Variants in DOCK3 observed in about 807,000 individuals in gnomAD.
DOCK3 encodes dedicator of cytokinesis protein 3.
DOCK3 carries 60 observed loss-of-function variants against 265.6 expected under a neutral mutation model. The ratio of observed to expected loss-of-function variants is 0.23; its 90% CI spans 0.18 to 0.28. The LOEUF (loss-of-function observed/expected upper bound fraction) is 0.28. Ranked by LOEUF, DOCK3 falls within the 10% of genes least tolerant of loss-of-function variation. The pLI, the probability that DOCK3 is intolerant of heterozygous loss-of-function variation, is 1.00. For missense variants in DOCK3, 1,981 were observed against 2,594.3 expected (o/e 0.76, Z 5.14); for synonymous variants, 881 against 938.0 (o/e 0.94, Z 1.11).
At chr3:51,070,186 G>A (rs904656395) in intron 6 of DOCK3, among the ~76,000 whole-genome samples, 3 of 152,122 alleles carry the variant, frequency 2.0e-5, no homozygotes, top group Non-Finnish European at 2.9e-5. Context: ...GTAATAAAGT[G>A]GATTTGTTTT....
intron 2 of DOCK3, among the ~76,000 whole-genome samples, chr3:50,796,911 CTT>C (rs1436821344): frequency 2.6e-5 from 4 of 151,102 alleles, no homozygotes; most frequent in Non-Finnish European, 5.9e-5. Context: ...CTCTGGGTGA[CTT>C]TTGTTGTATC....
At chr3:50,716,345 G>A (rs2037108326) in intron 1 of DOCK3, among the ~76,000 whole-genome samples, 1 of 151,970 alleles carries the variant, frequency 6.6e-6, no homozygotes, top group Non-Finnish European at 1.5e-5. Context: ...GGCTAACATG[G>A]TGAAACCCCA....
chr3:50,989,399 C>G (rs2108608904), intron 5 of DOCK3, among the ~76,000 whole-genome samples: 1 of 152,190 alleles, frequency 6.6e-6, no homozygotes, highest in Non-Finnish European at 1.5e-5. Context: ...GGAGAGGAAC[C>G]CATATTTTTA....
chr3:50,995,390 G>A (rs1197819415), intron 5 of DOCK3, among the ~76,000 whole-genome samples: 1 of 152,186 alleles, frequency 6.6e-6, no homozygotes, highest in Non-Finnish European at 1.5e-5. Context: ...TTAGCAGTAA[G>A]GCTCTGAGAT....
intron 5 of DOCK3, among the ~76,000 whole-genome samples, chr3:50,951,894 T>G (rs2076602458): frequency 6.6e-6 from 1 of 152,228 alleles, no homozygotes; most frequent in Middle Eastern, 3.2e-3. Flanking sequence ...GTGGCAGTTA[T>G]ATCACAACAT....
At chr3:50,813,814 A>T (rs1274531426) in intron 2 of DOCK3, among the ~76,000 whole-genome samples, 2 of 152,226 alleles carry the variant, frequency 1.3e-5, no homozygotes, top group Non-Finnish European at 2.9e-5. Flanking sequence ...ATGTAATAAC[A>T]TCAATCAAAA....
In DOCK3 at chr3:51,357,030, G is replaced by T; in HGVS notation, c.4572G>T (p.Leu1524=). ...VENKNQELRS[L]ISQYQHKQVH... is the part of the protein sequence containing the mutation. ...ATAAGAACCAGGAGCTACGCTCCCT[G>T]ATCAGCCAGTATCAACACAAGCAGG... Residue 1524 remains leucine, a synonymous_variant, in exon 44 of 53, where the codon CTG becomes CTT. Coordinates refer to ENST00000266037, the MANE Select transcript of DOCK3 (RefSeq NM_004947.5). 1 of 1,613,436 alleles carries T rather than the reference G, an allele frequency of 6.2e-7. No homozygotes were observed. The highest frequency in any genetic ancestry group is 8.5e-7 in the Non-Finnish European group (1 of 1,179,868).
Position 51,314,996 on chromosome 3 carries a change from C to T in DOCK3, c.3270C>T (p.His1090=). 1 of 1,608,572 alleles carries T rather than the reference C, an allele frequency of 6.2e-7. No individual in the cohort carries two copies. Among genetic ancestry groups the T allele is most frequent in the South Asian group, 1.1e-5 (1 of 90,382 alleles). ...MWQNLGEHKI[H]FIPGMIGPFL... is the part of the protein sequence containing the mutation. ...GTTTTTCAGGTGAACATAAGATCCA[C>T]TTTATTCCGGGAATGATTGGTCCTT... Residue 1090 remains histidine (H), a synonymous_variant, in exon 32 of 53, where the codon CAC becomes CAT. Transcript: ENST00000266037.
At chr3:50,723,039 C>T (rs2037573662) in intron 1 of DOCK3, among the ~76,000 whole-genome samples, 1 of 152,120 alleles carries the variant, frequency 6.6e-6, no homozygotes, top group African/African-American at 2.4e-5. Flanking sequence ...CCCCAAAGTT[C>T]AGGGAATACA....
intron 5 of DOCK3, among the ~76,000 whole-genome samples, chr3:50,974,703 G>A (rs1183756072): frequency 1.1e-5 from 1 of 92,042 alleles, no homozygotes; most frequent in Non-Finnish European, 2.4e-5. Flanking sequence ...TGATGGGGAT[G>A]GCATTGAATC....
chr3:50,852,396 G>A (rs2046388284), intron 3 of DOCK3, among the ~76,000 whole-genome samples: 1 of 152,084 alleles, frequency 6.6e-6, no homozygotes, highest in East Asian at 1.9e-4. Flanking sequence ...TGTGTTTTGA[G>A]GAGTAGATAT....
Position 51,374,363 on chromosome 3 carries a change from C to T in DOCK3, c.5294-106C>T, listed in dbSNP as rs1381512701. On this transcript the variant is annotated intron_variant, in intron 49 of 52. Coordinates refer to ENST00000266037, the MANE Select transcript of DOCK3 (RefSeq NM_004947.5). The surrounding 1 kb of genome is among the most constrained non-coding windows in gnomAD (Gnocchi z 4.8). ...CTTGCTGAGTTCATCCTCACCCTAA[C>T]TGTAAGGGACACCTACCCTGGTTCC... 3 of 1,021,796 alleles carry T rather than the reference C, an allele frequency of 2.9e-6. No homozygotes were observed. The highest frequency in any genetic ancestry group is 4.1e-5 in the Admixed American group (2 of 49,108). The allele number at this position is 1,021,796 out of a possible 1,614,324, so 63.3% of individuals were successfully genotyped here.
intron 4 of DOCK3, among the ~76,000 whole-genome samples, chr3:50,927,555 A>G (rs1464465359): frequency 6.6e-6 from 1 of 152,210 alleles, no homozygotes; most frequent in Non-Finnish European, 1.5e-5. Flanking sequence ...CAACTATTAT[A>G]CATCCATAAA....
intron 10 of DOCK3, among the ~76,000 whole-genome samples, chr3:51,149,862 G>A (rs58377617): frequency 6.6e-6 from 1 of 152,210 alleles, no homozygotes; most frequent in African/African-American, 2.4e-5. Flanking sequence ...CATAAAATGA[G>A]TTAGGGAGGA....
intron 5 of DOCK3, among the ~76,000 whole-genome samples, chr3:50,978,647 C>G (rs1575664518): frequency 6.6e-6 from 1 of 152,218 alleles, no homozygotes; most frequent in South Asian, 2.1e-4. Flanking sequence ...GGCAGGCAGG[C>G]CTCCTTGAGC....
intron 9 of DOCK3, among the ~76,000 whole-genome samples, chr3:51,113,599 G>A (rs551201570): frequency 2.6e-4 from 39 of 151,862 alleles, no homozygotes; most frequent in Non-Finnish European, 5.3e-4. Flanking sequence ...CCAGTCATAA[G>A]ACACTGAGAC....
intron 5 of DOCK3, among the ~76,000 whole-genome samples, chr3:51,030,303 T>C (rs58225351): frequency 0.047 from 7,098 of 152,242 alleles, 600 homozygotes; most frequent in African/African-American, 0.16. Context: ...TCCATGGTCA[T>C]GTCTCCTGGT....
chr3:51,351,326 C>A (rs148754627), intron 40 of DOCK3, among the ~76,000 whole-genome samples: 1 of 152,190 alleles, frequency 6.6e-6, no homozygotes, highest in African/African-American at 2.4e-5. Flanking sequence ...GTTTGGGATC[C>A]TGTCTTCTTG....
chr3:50,697,835 T>C (rs1304662395), intron 1 of DOCK3, among the ~76,000 whole-genome samples: 1 of 152,180 alleles, frequency 6.6e-6, no homozygotes, highest in Non-Finnish European at 1.5e-5. Flanking sequence ...CCTGTTTTTG[T>C]CTGCTGCTTT....
Sources: gnomAD v4.1 joint callset for allele counts (sites outside exome capture counted in the v4.1 genomes callset) on GRCh38, gnomAD v4.1.1 for gene constraint, Gnocchi (gnomAD v3.1) non-coding constraint, MANE v1.5 for transcripts, NCBI Gene and HGNC (gene_info 2026-07-23, HGNC 2026-07-21) for gene names.